Variants in LARS2 observed in about 807,000 individuals in gnomAD.
The protein encoded by LARS2 is leucine--tRNA ligase, mitochondrial.
LARS2 carries 81 observed loss-of-function variants against 116.6 expected under a neutral mutation model. The ratio of observed to expected loss-of-function variants is 0.69; its 90% CI spans 0.58 to 0.84. The LOEUF is 0.84. Ranked by LOEUF, LARS2 falls within the 40% of genes least tolerant of loss-of-function variation. LARS2 has a pLI of 0.00. For synonymous variants in LARS2, 396 were observed against 407.2 expected (o/e 0.97, Z 0.33); for missense variants, 968 against 1,114.5 (o/e 0.87, Z 1.87).
intron 9 of LARS2, among the ~76,000 whole-genome samples, chr3:45,476,253 G>A (rs1002000413): frequency 2.0e-4 from 30 of 152,100 alleles, no homozygotes; most frequent in African/African-American, 6.3e-4. Context: ...GCCTGGTGTG[G>A]GGCAAGTGGT....
intron 16 of LARS2, 45 bp downstream of exon 16, chr3:45,513,280 C>G (rs377324875): frequency 7.8e-7 from 1 of 1,285,778 alleles, no homozygotes; most frequent in African/African-American, 1.5e-5. Context: ...CCCAGAGAGC[C>G]AAGGCCAGGC....
intron 7 of LARS2, among the ~76,000 whole-genome samples, chr3:45,447,479 T>C (rs1699041283): frequency 6.6e-6 from 1 of 152,144 alleles, no homozygotes. Flanking sequence ...AATAAATGGA[T>C]TAATGTTATT....
In LARS2 at chr3:45,498,711, C is replaced by T. The variant is rs185737526; in HGVS notation, c.1623-1731C>T. ...TGCTTGATTGGCTGACCTCAAGGGA[C>T]GGCATTACCTTGGCAACACAGAGGT... On this transcript the variant is annotated intron_variant, in intron 14 of 21. Coordinates refer to ENST00000645846, the MANE Select transcript of LARS2 (RefSeq NM_015340.4). 2.9e-3 allele frequency among the ~76,000 whole-genome samples: 435 copies of T among 152,294 alleles called. 3 individuals are homozygous for T. The highest frequency in any genetic ancestry group is 9.9e-3 in the African/African-American group (412 of 41,562).
intron 7 of LARS2, among the ~76,000 whole-genome samples, chr3:45,455,124 CTTT>C: frequency 7.7e-6 from 1 of 129,038 alleles, no homozygotes. Context: ...TTGTGTTTTG[CTTT>C]TTTTTTTTTT....
At chr3:45,394,188 G>A (rs1403180666) in intron 2 of LARS2, among the ~76,000 whole-genome samples, 2 of 152,134 alleles carry the variant, frequency 1.3e-5, no homozygotes, top group African/African-American at 4.8e-5. Flanking sequence ...GCCAGCTGAT[G>A]GTCTCCATTT....
At chr3:45,403,847 T>TCTAGAGTCG (rs1053418870) in intron 4 of LARS2, among the ~76,000 whole-genome samples, 4 of 152,152 alleles carry the variant, frequency 2.6e-5, no homozygotes, top group Admixed American at 1.3e-4. Flanking sequence ...CCTACCACTT[T>TCTAGAGTCG]CTAGCCAAGC....
chr3:45,415,890 GA>G (rs1487955933), intron 4 of LARS2, among the ~76,000 whole-genome samples: 9,361 of 102,100 alleles, frequency 0.092, 377 homozygotes, highest in Non-Finnish European at 0.1. Context: ...GAGAGAGAGA[GA>G]GGGAGAGAGA....
intron 16 of LARS2, among the ~76,000 whole-genome samples, chr3:45,514,712 C>T (rs554292514): frequency 1.3e-5 from 2 of 152,296 alleles, no homozygotes; most frequent in Non-Finnish European, 2.9e-5. Context: ...ATCTGCCAAA[C>T]GAGGGTGACT....
intron 3 of LARS2, among the ~76,000 whole-genome samples, chr3:45,398,951 C>T (rs371604083): frequency 2.6e-5 from 4 of 152,146 alleles, no homozygotes; most frequent in East Asian, 1.9e-4. Context: ...ACACTCATGA[C>T]GACATTCATC....
At chr3:45,509,052 GT>G (rs1700241507) in intron 15 of LARS2, among the ~76,000 whole-genome samples, 1 of 152,076 alleles carries the variant, frequency 6.6e-6, no homozygotes, top group Non-Finnish European at 1.5e-5. Flanking sequence ...ACATATAGCT[GT>G]GCTTCAGTGC....
At chr3:45,535,822 C>T (rs1054561059) in intron 20 of LARS2, among the ~76,000 whole-genome samples, 6 of 152,034 alleles carry the variant, frequency 3.9e-5, no homozygotes, top group African/African-American at 9.7e-5. Context: ...TCCAAATAAG[C>T]TCTGTGGATT....
chr3:45,484,630 A>AAAAAAATATATATATATATATAT (rs1553634443), intron 10 of LARS2, among the ~76,000 whole-genome samples: 3 of 9,746 alleles, frequency 3.1e-4, no homozygotes, highest in Non-Finnish European at 6.3e-4. Context: ...AAAAAAAAAA[A>AAAAAAATATATATATATATATAT]ATATATATAT....
chr3:45,439,972 G>A (rs1698877915), intron 6 of LARS2, among the ~76,000 whole-genome samples: 1 of 152,210 alleles, frequency 6.6e-6, no homozygotes, highest in African/African-American at 2.4e-5. Context: ...TAGAGGTGGG[G>A]CCTAGGCATT....
chr3:45,469,043 C>A (rs547436555), intron 8 of LARS2, among the ~76,000 whole-genome samples: 1 of 152,310 alleles, frequency 6.6e-6, no homozygotes, highest in East Asian at 1.9e-4. Context: ...CCTGAAATCC[C>A]ATGAAACCAC....
chr3:45,532,621 A>G (rs1425954513), intron 20 of LARS2, among the ~76,000 whole-genome samples: 2 of 152,216 alleles, frequency 1.3e-5, no homozygotes, highest in South Asian at 2.1e-4. Flanking sequence ...CTGACTTCAC[A>G]GAGGGAATGA....
chr3:45,524,278 A>G (rs557851029), intron 20 of LARS2, among the ~76,000 whole-genome samples, 170 bp downstream of exon 20: 2 of 152,262 alleles, frequency 1.3e-5, no homozygotes, highest in Admixed American at 6.5e-5. Flanking sequence ...CTTCATCCAC[A>G]TGGTCACCCC....
intron 4 of LARS2, among the ~76,000 whole-genome samples, chr3:45,406,029 A>G (rs567889399): frequency 3.3e-4 from 51 of 152,282 alleles, no homozygotes; most frequent in South Asian, 1.9e-3. Context: ...AACAGCTCCA[A>G]TGACCCCCAC....
intron 8 of LARS2, among the ~76,000 whole-genome samples, chr3:45,468,396 G>C (rs1294875313): frequency 6.6e-6 from 1 of 152,182 alleles, no homozygotes; most frequent in Non-Finnish European, 1.5e-5. Context: ...TTCAGGCAAG[G>C]ATAGTCAATG....
chr3:45,435,645 C>T (rs1698785147), intron 6 of LARS2, among the ~76,000 whole-genome samples: 2 of 151,008 alleles, frequency 1.3e-5, no homozygotes, highest in South Asian at 4.2e-4. Flanking sequence ...TCTTTCTCTC[C>T]TCTCTCTTCT....
Sources: gnomAD v4.1 joint callset for allele counts (sites outside exome capture counted in the v4.1 genomes callset) on GRCh38, gnomAD v4.1.1 for gene constraint, MANE v1.5 for transcripts, NCBI Gene and HGNC (gene_info 2026-07-23, HGNC 2026-07-21) for gene names.